The following RASSF5 variants were observed in gnomAD, a reference collection of about 807,000 sequenced individuals.
The protein encoded by RASSF5 is ras association domain-containing protein 5.
In RASSF5, 25 loss-of-function variants were observed where a neutral mutation model predicts 40.5. That is an observed-to-expected ratio of 0.62 (90% CI 0.45 to 0.86). The LOEUF (loss-of-function observed/expected upper bound fraction) is 0.86. Among genes scored for constraint, RASSF5 ranks in the 40% least tolerant of loss-of-function variants. The probability of loss-of-function intolerance (pLI) is 0.00; values close to 1 mark genes in which losing one functional copy is unlikely to be tolerated. For synonymous variants in RASSF5, 246 were observed against 252.4 expected (o/e 0.97, Z 0.24); for missense variants, 521 against 572.8 (o/e 0.91, Z 0.92).
At chr1:206,538,414 A>T in intron 2 of RASSF5, 121 bp downstream of exon 2, 1 of 1,326,512 alleles carries the variant, frequency 7.5e-7, no homozygotes, top group Middle Eastern at 2.7e-4. Flanking sequence ...TTCCACATGC[A>T]CTGGATGGAG....
intron 2 of RASSF5, among the ~76,000 whole-genome samples, chr1:206,550,554 A>T (rs939891925): frequency 6.6e-6 from 1 of 152,228 alleles, no homozygotes; most frequent in Non-Finnish European, 1.5e-5. Context: ...AGGAAAGTAC[A>T]TAACCTCTCT....
intron 2 of RASSF5, among the ~76,000 whole-genome samples, chr1:206,556,574 G>A (rs923508609): frequency 6.6e-6 from 1 of 152,190 alleles, no homozygotes; most frequent in Non-Finnish European, 1.5e-5. Context: ...ATACACAGAT[G>A]ACCTGGACAG....
chr1:206,576,310 G>A (rs1361099111), intron 2 of RASSF5, among the ~76,000 whole-genome samples: 1 of 152,232 alleles, frequency 6.6e-6, no homozygotes, highest in Non-Finnish European at 1.5e-5. Context: ...GGGAATCTGA[G>A]GCTTTGAGGC....
At chr1:206,577,251 G>T (rs1222271917) in intron 2 of RASSF5, among the ~76,000 whole-genome samples, 2 of 152,148 alleles carry the variant, frequency 1.3e-5, no homozygotes, top group East Asian at 3.9e-4. Flanking sequence ...GAAAAAGTTT[G>T]CCAACCACTG....
intron 1 of RASSF5, among the ~76,000 whole-genome samples, chr1:206,527,152 T>C (rs1344557035): frequency 6.6e-6 from 1 of 152,096 alleles, no homozygotes; most frequent in Non-Finnish European, 1.5e-5. Context: ...CCCGATTGAG[T>C]GTTCCATCTT....
intron 2 of RASSF5, among the ~76,000 whole-genome samples, chr1:206,568,589 A>G (rs944780): frequency 0.59 from 89,264 of 151,956 alleles, 26,616 homozygotes; most frequent in Middle Eastern, 0.67. Context: ...ATCATTTATG[A>G]GGCTGAATGC....
chr1:206,543,565 ATGTGTGTGTGTGTGTG>A (rs59506240), intron 2 of RASSF5: 1 of 149,720 alleles, frequency 6.7e-6, no homozygotes, highest in African/African-American at 2.5e-5. Context: ...GTGTGTGTGT[ATGTGTGTGTGTGTGTG>A]TGTGTGTGTG....
intron 1 of RASSF5, among the ~76,000 whole-genome samples, chr1:206,510,276 A>G (rs1218846366): frequency 1.3e-5 from 2 of 152,306 alleles, no homozygotes; most frequent in African/African-American, 4.8e-5. Context: ...CATACTATGC[A>G]GTAGTTAAGA....
intron 1 of RASSF5, chr1:206,518,248 G>T (rs571115350): frequency 5.1e-6 from 2 of 394,578 alleles, no homozygotes; most frequent in Non-Finnish European, 8.9e-6. Flanking sequence ...ATCGTCAGTC[G>T]TTGAGGGTAC....
chr1:206,537,636 A>G (rs545605315), intron 1 of RASSF5, among the ~76,000 whole-genome samples: 17 of 152,190 alleles, frequency 1.1e-4, no homozygotes, highest in Non-Finnish European at 2.5e-4. Flanking sequence ...AAAAATCCGA[A>G]TTGCTCCAGT....
chr1:206,546,087 CTATTTT>C (rs1667679090), intron 2 of RASSF5, among the ~76,000 whole-genome samples: 5 of 26,438 alleles, frequency 1.9e-4, no homozygotes, highest in Admixed American at 4.5e-4. Context: ...TCTTCTTTTT[CTATTTT>C]TTTTTTTTTT....
At chr1:206,550,119 G>A (rs1346918776) in intron 2 of RASSF5, among the ~76,000 whole-genome samples, 1 of 152,120 alleles carries the variant, frequency 6.6e-6, no homozygotes, top group East Asian at 1.9e-4. Context: ...ACATCTGGGA[G>A]TAAACTGGGA....
In RASSF5 at chr1:206,535,748, G is replaced by C. The variant is rs1553398589; in HGVS notation, c.458-2424G>C. On this transcript the variant is annotated intron_variant, in intron 1 of 5. Coordinates refer to ENST00000579436, the MANE Select transcript of RASSF5 (RefSeq NM_182663.4). The surrounding 1 kb of genome is among the most constrained non-coding windows in gnomAD (Gnocchi z 5.0). ...TGTGTGTGTGTGTGTGTGTGTGAGA[G>C]AGAGAGAGAGAGATGGAAATTGAGA... Among the ~76,000 whole-genome samples the C allele has an allele frequency of 6.7e-6, 1 of 149,954 alleles. No individual in the cohort carries two copies. Among genetic ancestry groups the C allele is most frequent in the African/African-American group, 2.5e-5 (1 of 39,744 alleles).
At chr1:206,563,205 A>T (rs373467857) in intron 2 of RASSF5, among the ~76,000 whole-genome samples, 112 of 152,298 alleles carry the variant, frequency 7.4e-4, no homozygotes, top group African/African-American at 2.6e-3. Flanking sequence ...ACACCTAACC[A>T]CAGGGGAGGT....
intron 1 of RASSF5, among the ~76,000 whole-genome samples, chr1:206,517,999 C>G (rs545110076): frequency 6.6e-6 from 1 of 152,110 alleles, no homozygotes; most frequent in African/African-American, 2.4e-5. Context: ...AATCCATTAA[C>G]GAGCTCCTGG....
chr1:206,538,210 A>C lies in RASSF5; in HGVS notation c.496A>C (p.Ile166Leu). Residue 166 changes from isoleucine (I) to leucine (L), a missense_variant, in exon 2 of 6, where the codon ATC (isoleucine) becomes CTC (leucine). Transcript: ENST00000579436. The part of the protein sequence containing the change: ...FTCHPECRSL[I>L]QLDCSQQEGL... ...CTGTCACCCAGAATGCCGCAGCCTG[A>C]TCCAGTTGGACTGCAGTCAGCAGGA... 6.2e-7 allele frequency: 1 copy of C among 1,614,166 alleles called. No individual in the cohort carries two copies.
intron 2 of RASSF5, among the ~76,000 whole-genome samples, chr1:206,551,368 C>G (rs1381220113): frequency 4.6e-5 from 7 of 152,350 alleles, no homozygotes; most frequent in African/African-American, 1.7e-4. Context: ...CCCCCGCTCC[C>G]TCCACGTTAC....
chr1:206,521,956 C>A (rs1666919894), intron 1 of RASSF5, among the ~76,000 whole-genome samples: 4 of 152,252 alleles, frequency 2.6e-5, no homozygotes, highest in African/African-American at 9.6e-5. Context: ...CAGCTCCACA[C>A]TGGCTTTGGA....
At chr1:206,577,761 T>C (rs1258082149) in intron 2 of RASSF5, among the ~76,000 whole-genome samples, 1 of 152,220 alleles carries the variant, frequency 6.6e-6, no homozygotes, top group African/African-American at 2.4e-5. Flanking sequence ...ACCTTTTTTG[T>C]CCACTGTAGG....
Sources: allele counts gnomAD v4.1 joint callset (sites outside exome capture counted in the v4.1 genomes callset), GRCh38; gene constraint gnomAD v4.1.1; non-coding constraint Gnocchi (gnomAD v3.1); transcripts MANE v1.5; gene names NCBI Gene and HGNC (gene_info 2026-07-23, HGNC 2026-07-21).